Variants in REDIC1 observed in about 807,000 individuals in gnomAD.
REDIC1 encodes HEI10 Interacting Protein 1.
the REDIC1 span, among the ~76,000 whole-genome samples, chr12:39,768,799 T>C: frequency 1.3e-5 from 2 of 152,020 alleles, no homozygotes; most frequent in Admixed American, 1.3e-4. Flanking sequence ...AAATGTGACA[T>C]AAAGACACTA....
the REDIC1 span, among the ~76,000 whole-genome samples, chr12:39,888,153 C>T: frequency 6.6e-6 from 1 of 152,192 alleles, no homozygotes; most frequent in Non-Finnish European, 1.5e-5. Context: ...CAAATGCCCA[C>T]ATTCTGCTGC....
At chr12:39,899,918 G>C in the REDIC1 span, among the ~76,000 whole-genome samples, 109 of 152,128 alleles carry the variant, frequency 7.2e-4, no homozygotes, top group East Asian at 1.2e-3. Flanking sequence ...GTCAATTTTG[G>C]AATAGGTGTG....
the REDIC1 span, among the ~76,000 whole-genome samples, chr12:39,747,210 C>G: frequency 6.6e-6 from 1 of 152,238 alleles, no homozygotes; most frequent in South Asian, 2.1e-4. Context: ...ACTAGAATAA[C>G]CAGTGTAGAG....
chr12:39,801,738 A>G, the REDIC1 span, among the ~76,000 whole-genome samples: 4 of 152,206 alleles, frequency 2.6e-5, no homozygotes, highest in South Asian at 2.1e-4. Context: ...TTCCTCATCT[A>G]TAAAAGGAAA....
chr12:39,688,675 G>A, the REDIC1 span, among the ~76,000 whole-genome samples: 1 of 152,152 alleles, frequency 6.6e-6, no homozygotes, highest in Non-Finnish European at 1.5e-5. Context: ...TAGCAACAAT[G>A]AGGAGGGATT....
chr12:39,749,868 T>C, the REDIC1 span, among the ~76,000 whole-genome samples: 4 of 152,146 alleles, frequency 2.6e-5, no homozygotes, highest in Non-Finnish European at 5.9e-5. Flanking sequence ...AATTCAACAA[T>C]CCTGCATGCT....
chr12:39,804,058 C>T, the REDIC1 span, among the ~76,000 whole-genome samples: 739 of 151,746 alleles, frequency 4.9e-3, 20 homozygotes, highest in Non-Finnish European at 1.4e-3. Flanking sequence ...ATGAAAAAAA[C>T]TGGTGTGCAT....
the REDIC1 span, among the ~76,000 whole-genome samples, chr12:39,698,054 G>A: frequency 6.6e-6 from 1 of 152,026 alleles, no homozygotes; most frequent in Non-Finnish European, 1.5e-5. Context: ...AAAATAAAGG[G>A]ATGGAAAAAG....
At chr12:39,794,877 T>A in the REDIC1 span, among the ~76,000 whole-genome samples, 1 of 152,218 alleles carries the variant, frequency 6.6e-6, no homozygotes, top group Non-Finnish European at 1.5e-5. Flanking sequence ...TAAATTCTCT[T>A]CTGAAGAAAT....
the REDIC1 span, among the ~76,000 whole-genome samples, chr12:39,712,580 T>C: frequency 1.4e-5 from 2 of 144,790 alleles, no homozygotes; most frequent in Non-Finnish European, 3.1e-5. Context: ...TATACGTATA[T>C]ATGTATATAC....
At chr12:39,659,271 T>A in the REDIC1 span, among the ~76,000 whole-genome samples, 1 of 152,054 alleles carries the variant, frequency 6.6e-6, no homozygotes, top group South Asian at 2.1e-4. Context: ...TATTCTTTGA[T>A]TAAGATATTA....
At chr12:39,712,153 C>CATGTATATGTACATGTATATATACCTGT in the REDIC1 span, among the ~76,000 whole-genome samples, 62,093 of 94,850 alleles carry the variant, frequency 0.65, 21,928 homozygotes, top group Middle Eastern at 0.75. Flanking sequence ...TACATCTATA[C>CATGTATATGTACATGTATATATACCTGT]ATGTATATGT....
At chr12:39,679,502 A>G in the REDIC1 span, among the ~76,000 whole-genome samples, 6 of 152,214 alleles carry the variant, frequency 3.9e-5, no homozygotes, top group Non-Finnish European at 8.8e-5. Flanking sequence ...AGATGACACA[A>G]ACAAATGGAA....
chr12:39,791,113 G>C, the REDIC1 span, among the ~76,000 whole-genome samples: 3 of 150,838 alleles, frequency 2.0e-5, no homozygotes, highest in African/African-American at 7.3e-5. Context: ...GTAGATTCTG[G>C]ATATTAGCCC....
chr12:39,650,204 C>G, the REDIC1 span: 2 of 1,517,270 alleles, frequency 1.3e-6, no homozygotes, highest in South Asian at 2.7e-5. This position sits in a 1 kb window ranked among gnomAD's most constrained non-coding sequence, Gnocchi z 4.3. Context: ...TGTACATTTA[C>G]TATTTTGGCA....
the REDIC1 span, among the ~76,000 whole-genome samples, chr12:39,891,079 A>G: frequency 4.0e-5 from 6 of 151,558 alleles, no homozygotes; most frequent in Non-Finnish European, 8.8e-5. Flanking sequence ...AAAATTCTGG[A>G]CACCTAAATC....
At chr12:39,682,522 A>G in the REDIC1 span, 3 of 923,596 alleles carry the variant, frequency 3.2e-6, no homozygotes, top group African/African-American at 5.0e-5. Flanking sequence ...GTAGCAACTC[A>G]ATATGTCCTC....
the REDIC1 span, among the ~76,000 whole-genome samples, chr12:39,703,155 CA>C: frequency 1.3e-5 from 2 of 152,174 alleles, no homozygotes; most frequent in African/African-American, 4.8e-5. Flanking sequence ...TCCCTGTTTG[CA>C]GATGACATGA....
chr12:39,896,216 G>A, the REDIC1 span, among the ~76,000 whole-genome samples: 6 of 144,262 alleles, frequency 4.2e-5, no homozygotes, highest in East Asian at 2.1e-4. Context: ...ATGTATATAC[G>A]TATACATATA....
Sources: gnomAD v4.1 joint callset for allele counts (sites outside exome capture counted in the v4.1 genomes callset) on GRCh38, gnomAD v4.1.1 for gene constraint, Gnocchi (gnomAD v3.1) non-coding constraint, MANE v1.5 for transcripts, NCBI Gene and HGNC (gene_info 2026-07-23, HGNC 2026-07-21) for gene names.